RAB27A: variants seen among roughly 807,000 people sequenced by gnomAD.
RAB27A encodes ras-related protein Rab-27A.
RAB27A carries 17 observed loss-of-function variants against 20.8 expected under a neutral mutation model. The observed-to-expected ratio is 0.82, with a 90% CI of 0.56 to 1.23. The LOEUF is 1.23. RAB27A is among the 50% of genes most tolerant of loss of function. The pLI is 0.00. For synonymous variants in RAB27A, 85 were observed against 92.8 expected (o/e 0.92, Z 0.48); for missense variants, 277 against 266.7 (o/e 1.04, Z -0.27).
At chr15:55,212,576 C>G (rs1895078875) in intron 6 of RAB27A, among the ~76,000 whole-genome samples, 1 of 151,384 alleles carries the variant, frequency 6.6e-6, no homozygotes, top group Admixed American at 6.6e-5. Context: ...GTTGCCCAGC[C>G]TGGAGTGCAG....
intron 2 of RAB27A, among the ~76,000 whole-genome samples, chr15:55,313,060 C>T (rs2055028151): frequency 6.6e-6 from 1 of 152,180 alleles, no homozygotes; most frequent in Non-Finnish European, 1.5e-5. Flanking sequence ...CAAAGCCAAA[C>T]CTCTTACCCA....
intron 2 of RAB27A, among the ~76,000 whole-genome samples, chr15:55,244,255 C>T (rs140169195): frequency 1.3e-3 from 200 of 152,250 alleles, no homozygotes; most frequent in African/African-American, 4.7e-3. Flanking sequence ...GTGGAGGTTG[C>T]AGTGAGCAGA....
chr15:55,298,596 T>C, intron 2 of RAB27A, among the ~76,000 whole-genome samples: 1 of 152,206 alleles, frequency 6.6e-6, no homozygotes, highest in Non-Finnish European at 1.5e-5. Flanking sequence ...CCAGTGTCAC[T>C]GATAACATCT....
At chr15:55,274,750 C>T (rs1200423019) in intron 1 of RAB27A, among the ~76,000 whole-genome samples, 1 of 127,862 alleles carries the variant, frequency 7.8e-6, no homozygotes, top group Non-Finnish European at 1.6e-5. Context: ...TGCACTCCAG[C>T]CTGGGTGACA....
chr15:55,294,266 T>C (rs2054937952), upstream of RAB27A, among the ~76,000 whole-genome samples: 1 of 152,078 alleles, frequency 6.6e-6, no homozygotes, highest in Non-Finnish European at 1.5e-5. Context: ...CAAATGGTAC[T>C]GGGAGAACTG....
chr15:55,250,824 T>C (rs1444533122), intron 2 of RAB27A, among the ~76,000 whole-genome samples: 2 of 152,226 alleles, frequency 1.3e-5, no homozygotes, highest in African/African-American at 2.4e-5. Context: ...TTTCATTGCC[T>C]CAGAAAACTG....
intron 2 of RAB27A, among the ~76,000 whole-genome samples, chr15:55,303,271 C>A (rs1220227219): frequency 3.5e-5 from 4 of 112,708 alleles, no homozygotes; most frequent in African/African-American, 1.6e-4. Context: ...GGGGGTCAGC[C>A]CCCCGCCTGG....
chr15:55,283,079 T>C (rs1389172902), intron 1 of RAB27A, among the ~76,000 whole-genome samples: 1 of 152,122 alleles, frequency 6.6e-6, no homozygotes, highest in Non-Finnish European at 1.5e-5. Flanking sequence ...CCAAAGAGGT[T>C]GAATGAGTTG....
intron 2 of RAB27A, among the ~76,000 whole-genome samples, chr15:55,252,661 T>A (rs530322509): frequency 6.6e-6 from 1 of 151,614 alleles, no homozygotes; most frequent in Non-Finnish European, 1.5e-5. Flanking sequence ...CCAAAAGCTA[T>A]TGATTGATAG....
At chr15:55,291,133 A>G (rs767419535), upstream of RAB27A, among the ~76,000 whole-genome samples, 53 of 152,228 alleles carry the variant, frequency 3.5e-4, no homozygotes, top group Non-Finnish European at 5.9e-4. Context: ...ACTCGGGTTT[A>G]GAGATAACAA....
At chr15:55,279,154 C>A (rs1313110000) in intron 1 of RAB27A, among the ~76,000 whole-genome samples, 1 of 152,136 alleles carries the variant, frequency 6.6e-6, no homozygotes, top group East Asian at 1.9e-4. Flanking sequence ...GCAGAAAGAG[C>A]CAGGCAGATA....
At chr15:55,249,220 T>C (rs1234713812) in intron 2 of RAB27A, among the ~76,000 whole-genome samples, 1 of 152,212 alleles carries the variant, frequency 6.6e-6, no homozygotes, top group Non-Finnish European at 1.5e-5. Context: ...TTTTATTGCA[T>C]TGTGATCACT....
Position 55,236,916 on chromosome 15 carries a change from C to T in RAB27A, c.-22-1960G>A, listed in dbSNP as rs1247089775. On this transcript the variant is annotated intron_variant, in intron 2 of 6. Coordinates refer to ENST00000336787, the MANE Select transcript of RAB27A (RefSeq NM_183235.3). Reference sequence around the variant, plus strand: ...ATACATTTTTGTTAACTATAGTCACCCTAGTCTACTGTTGAACATTAGAAC... The same window carrying T: ...ATACATTTTTGTTAACTATAGTCACTCTAGTCTACTGTTGAACATTAGAAC... Among the ~76,000 whole-genome samples the T allele has an allele frequency of 2.0e-5, 3 of 152,114 alleles. No homozygotes were observed. The East Asian group carries it at 5.8e-4, about 29-fold the overall frequency.
In RAB27A at chr15:55,234,941, G is replaced by C; in HGVS notation, c.-7C>G. ...CATAATCTCCATCAGACATAATGAA[G>C]AACTCAGTAGTTCACCTGTAAAATA... On this transcript the variant is annotated 5_prime_UTR_variant, in exon 3 of 7. Transcript: ENST00000336787. The C allele has an allele frequency of 6.2e-7, 1 of 1,609,464 alleles. No homozygotes were observed. Among genetic ancestry groups the C allele is most frequent in the Non-Finnish European group, 8.5e-7 (1 of 1,177,804 alleles).
chr15:55,243,334 T>A (rs1309557221), intron 2 of RAB27A, among the ~76,000 whole-genome samples: 1 of 152,218 alleles, frequency 6.6e-6, no homozygotes, highest in Non-Finnish European at 1.5e-5. Flanking sequence ...CCCCGTTTTC[T>A]CTCAAATAAG....
chr15:55,223,702 C>T (rs1407552463), intron 6 of RAB27A, among the ~76,000 whole-genome samples, 187 bp downstream of exon 6: 1 of 152,134 alleles, frequency 6.6e-6, no homozygotes, highest in Non-Finnish European at 1.5e-5. Flanking sequence ...CTGAAGGAGG[C>T]CCTTGCCACA....
At chr15:55,264,709 C>T (rs1566928275) in intron 2 of RAB27A, among the ~76,000 whole-genome samples, 1 of 152,130 alleles carries the variant, frequency 6.6e-6, no homozygotes, top group African/African-American at 2.4e-5. Context: ...TTGGCCTCCA[C>T]CAATGATCCA....
upstream of RAB27A, among the ~76,000 whole-genome samples, chr15:55,293,809 C>T (rs1035400560): frequency 1.3e-5 from 2 of 151,902 alleles, no homozygotes; most frequent in African/African-American, 4.8e-5. Flanking sequence ...CCCAGCTACT[C>T]GGGTGGTTGA....
At chr15:55,293,716 G>C (rs1458903841), upstream of RAB27A, among the ~76,000 whole-genome samples, 4 of 151,960 alleles carry the variant, frequency 2.6e-5, no homozygotes, top group Non-Finnish European at 5.9e-5. Flanking sequence ...TCAGGAGTTT[G>C]AGACCAGCCT....
Sources: gnomAD v4.1 joint callset for allele counts (sites outside exome capture counted in the v4.1 genomes callset) on GRCh38, gnomAD v4.1.1 for gene constraint, MANE v1.5 for transcripts, NCBI Gene and HGNC (gene_info 2026-07-23, HGNC 2026-07-21) for gene names.